PNPLA3: variants seen among roughly 807,000 people sequenced by gnomAD.
The protein encoded by PNPLA3 is 1-acylglycerol-3-phosphate O-acyltransferase PNPLA3.
A neutral mutation model predicts 43.1 loss-of-function variants in PNPLA3; 42 were observed. The ratio of observed to expected loss-of-function variants is 0.97; its 90% CI spans 0.76 to 1.26. The LOEUF (loss-of-function observed/expected upper bound fraction) is 1.26. PNPLA3 is among the 50% of genes most tolerant of loss of function. The pLI is 0.00. For synonymous variants in PNPLA3, 272 were observed against 253.6 expected (o/e 1.07, Z -0.69); for missense variants, 647 against 621.4 (o/e 1.04, Z -0.44).
intron 3 of PNPLA3, among the ~76,000 whole-genome samples, chr22:43,930,459 C>A (rs2049954724): frequency 1.3e-5 from 2 of 152,132 alleles, no homozygotes; most frequent in Admixed American, 1.3e-4. Context: ...TCAGCAGGAC[C>A]CCAACCCCTT....
chr22:43,939,537 G>T, intron 6 of PNPLA3: 1 of 622,458 alleles, frequency 1.6e-6, no homozygotes, highest in Admixed American at 5.3e-5. Context: ...AGCCTGGGCC[G>T]GGCGCGGTGG....
At chr22:43,932,059 C>G (rs1416724279) in intron 3 of PNPLA3, among the ~76,000 whole-genome samples, 1 of 152,046 alleles carries the variant, frequency 6.6e-6, no homozygotes, top group Non-Finnish European at 1.5e-5. Context: ...TTTTGGATGC[C>G]TTTCTCTGTG....
At chr22:43,931,394 T>G (rs923551359) in intron 3 of PNPLA3, among the ~76,000 whole-genome samples, 1 of 152,226 alleles carries the variant, frequency 6.6e-6, no homozygotes, top group Non-Finnish European at 1.5e-5. Flanking sequence ...AAGTTGTACA[T>G]GGCAGGAGAA....
intron 6 of PNPLA3, among the ~76,000 whole-genome samples, chr22:43,938,898 G>C (rs1391872292): frequency 6.6e-6 from 1 of 152,164 alleles, no homozygotes; most frequent in Non-Finnish European, 1.5e-5. Flanking sequence ...CATAGATGCT[G>C]TGACGTTTGA....
At chr22:43,934,515 C>A (rs538342584) in intron 4 of PNPLA3, 91 bp from the exon 5 acceptor site, 2 of 1,322,906 alleles carry the variant, frequency 1.5e-6, no homozygotes, top group African/African-American at 1.5e-5. Context: ...TTGCATGATT[C>A]TTTGGTGCTC....
intron 3 of PNPLA3, among the ~76,000 whole-genome samples, chr22:43,929,586 A>T (rs189645641): frequency 0.03 from 4,317 of 144,472 alleles, 188 homozygotes; most frequent in African/African-American, 0.1. Flanking sequence ...ATATATATAT[A>T]TTTTTTTCTT....
At position 43,927,019 on chromosome 22, in the gene PNPLA3, G is replaced by C; in HGVS notation, c.272G>C (p.Ser91Thr). 1 of 1,614,216 alleles carries C rather than the reference G, an allele frequency of 6.2e-7. No individual in the cohort carries two copies. Among genetic ancestry groups the C allele is most frequent in the Non-Finnish European group, 8.5e-7 (1 of 1,180,036 alleles). The change falls in exon 2 of 9, where the codon AGC (serine) becomes ACC (threonine). Residue 91 changes from serine to threonine, a missense_variant. Coordinates refer to ENST00000216180, the MANE Select transcript of PNPLA3 (RefSeq NM_025225.3). ...IGIFHPSFNL[S>T]KFLRQGLCKC... is the part of the protein sequence containing the mutation. ...ATCTTCCATCCATCCTTCAACTTAA[G>C]CAAGTTCCTCCGACAGGGTCTCTGC...
At chr22:43,936,976 A>G (rs1335516663) in intron 5 of PNPLA3, 75 bp from the exon 6 acceptor site, 1 of 1,229,628 alleles carries the variant, frequency 8.1e-7, no homozygotes, top group African/African-American at 1.5e-5. Context: ...GCCTCCCTGC[A>G]GTTTGGTAGA....
chr22:43,940,627 G>A (rs983191541), intron 7 of PNPLA3, among the ~76,000 whole-genome samples: 42 of 152,048 alleles, frequency 2.8e-4, no homozygotes, highest in Admixed American at 6.6e-5. Flanking sequence ...TGGCCAACAT[G>A]GTGAAATGCC....
Position 43,937,178 on chromosome 22 carries a change from G to T in PNPLA3, c.885G>T (p.Arg295Ser), listed in dbSNP as rs1346533054. 1 of 1,614,184 alleles carries T rather than the reference G, an allele frequency of 6.2e-7. No homozygotes were observed. Among genetic ancestry groups the T allele is most frequent in the Non-Finnish European group, 8.5e-7 (1 of 1,180,032 alleles). The change falls in exon 6 of 9, where the codon AGG (arginine) becomes AGT (serine). Residue 295 changes from arginine (R) to serine (S), a missense_variant. Arg to Ser is a moderately radical substitution (Grantham distance 110). Transcript: ENST00000216180. ...CGGAGTCGGCTGCCTTGGCTGTGAG[G>T]CTGGAGGGAGATGAGCTGCTAGACC... ...SSPESAALAV[R>S]LEGDELLDHL...
At chr22:43,942,484 C>CA in intron 7 of PNPLA3, among the ~76,000 whole-genome samples, 1 of 152,202 alleles carries the variant, frequency 6.6e-6, no homozygotes, top group East Asian at 1.9e-4. Context: ...CTGAGACAGT[C>CA]ACATTCTCAC....
In PNPLA3 at chr22:43,937,573, C is replaced by A. The variant is rs1350494949; in HGVS notation, c.979+301C>A. Reference sequence around the variant, plus strand: ...TAGGCTCCTGCCTGTGGCAGCTGGGCCCTCTGTACCCCTTTCCAACTCTGT... The same window carrying A: ...TAGGCTCCTGCCTGTGGCAGCTGGGACCTCTGTACCCCTTTCCAACTCTGT... On this transcript the variant is annotated intron_variant, in intron 6 of 8. Transcript: ENST00000216180. Among the ~76,000 whole-genome samples, 5 of 152,274 alleles carry A rather than the reference C, an allele frequency of 3.3e-5. No individual in the cohort carries two copies. In the East Asian group the frequency reaches 7.8e-4, roughly 24 times the overall value.
intron 7 of PNPLA3, among the ~76,000 whole-genome samples, chr22:43,941,714 C>T (rs2050032223): frequency 6.6e-6 from 1 of 152,098 alleles, no homozygotes; most frequent in Non-Finnish European, 1.5e-5. Context: ...TTCTCTGAGC[C>T]TCAGCGGTTT....
intron 3 of PNPLA3, among the ~76,000 whole-genome samples, chr22:43,929,369 G>A (rs561413215): frequency 2.0e-5 from 3 of 151,422 alleles, no homozygotes; most frequent in East Asian, 2.0e-4. Context: ...CCAGCTGCTC[G>A]GGAGGCTGAG....
At chr22:43,934,989 G>T (rs559951644) in intron 5 of PNPLA3, among the ~76,000 whole-genome samples, 1 of 152,016 alleles carries the variant, frequency 6.6e-6, no homozygotes, top group East Asian at 1.9e-4. Context: ...TTTCCAGCTC[G>T]ACCTCTTGTG....
Position 43,945,311 on chromosome 22 carries a change from C to G in PNPLA3, c.1217+516C>G, listed in dbSNP as rs143465298. On this transcript the variant is annotated intron_variant, in intron 8 of 8. Coordinates refer to ENST00000216180, the MANE Select transcript of PNPLA3 (RefSeq NM_025225.3). ...CTGAGTCACAGTCTCCGGGGTGAAG[C>G]CTAGCAGTCTGCGTTGACAGGCCCC... Among the ~76,000 whole-genome samples, 483 of 152,310 alleles carry G rather than the reference C, an allele frequency of 3.2e-3. 2 individuals are homozygous for G. Among genetic ancestry groups the G allele is most frequent in the African/African-American group, 0.011 (449 of 41,570 alleles).
At chr22:43,944,913 T>G in intron 8 of PNPLA3, 118 bp downstream of exon 8, 8 of 874,908 alleles carry the variant, frequency 9.1e-6, no homozygotes, top group Non-Finnish European at 1.5e-5. Context: ...TGCCCTTGGG[T>G]GTGGGGACCC....
chr22:43,934,579 T>C (rs371901002), intron 4 of PNPLA3, 27 bp from the exon 5 acceptor site: 61 of 1,599,112 alleles, frequency 3.8e-5, no homozygotes, highest in Non-Finnish European at 5.1e-5. Flanking sequence ...CTCCCTGCTG[T>C]AGTCCCCTTG....
chr22:43,939,234 C>A (rs2050015541), intron 6 of PNPLA3: 1 of 312,778 alleles, frequency 3.2e-6, no homozygotes, highest in Non-Finnish European at 4.6e-6. Context: ...CCTGATGTAG[C>A]TGTTTCTGTG....
Sources: gnomAD v4.1 joint callset for allele counts (sites outside exome capture counted in the v4.1 genomes callset) on GRCh38, gnomAD v4.1.1 for gene constraint, MANE v1.5 for transcripts, NCBI Gene and HGNC (gene_info 2026-07-23, HGNC 2026-07-21) for gene names.